The following CNTN4 variants were observed in gnomAD, a reference collection of about 807,000 sequenced individuals.
CNTN4 encodes the protein contactin 4.
In CNTN4, 77 loss-of-function variants were observed where a neutral mutation model predicts 122.5. That is an observed-to-expected ratio of 0.63 (90% confidence interval 0.52 to 0.76). The LOEUF is 0.76. Among genes scored for constraint, CNTN4 ranks in the 30% least tolerant of loss-of-function variants. The pLI is 0.00. For synonymous variants in CNTN4, 512 were observed against 447.0 expected (o/e 1.15, Z -1.83); for missense variants, 1,256 against 1,259.1 (o/e 1.00, Z 0.04).
intron 2 of CNTN4, among the ~76,000 whole-genome samples, chr3:2,287,658 GA>G (rs1559415338): frequency 1.1e-3 from 34 of 31,920 alleles, no homozygotes; most frequent in African/African-American, 1.4e-3. Context: ...AGAAGAAGAA[GA>G]AGAAGAAGAA....
At chr3:2,690,179 C>T (rs2085654114) in intron 4 of CNTN4, among the ~76,000 whole-genome samples, 1 of 152,072 alleles carries the variant, frequency 6.6e-6, no homozygotes, top group Admixed American at 6.6e-5. Context: ...AGTGTGTATT[C>T]TACAGCTTCT....
intron 3 of CNTN4, among the ~76,000 whole-genome samples, chr3:2,568,950 G>A (rs1010593770): frequency 1.4e-4 from 22 of 152,066 alleles, no homozygotes; most frequent in African/African-American, 4.1e-4. Flanking sequence ...GATCAATCCC[G>A]AGGTCCGAGA....
intron 2 of CNTN4, among the ~76,000 whole-genome samples, chr3:2,138,083 T>TC (rs982702822): frequency 6.0e-5 from 9 of 150,058 alleles, no homozygotes; most frequent in African/African-American, 1.5e-4. Flanking sequence ...TTTTTTTTTT[T>TC]CGAGACGGAG....
At chr3:2,489,581 T>G (rs2076256980) in intron 3 of CNTN4, among the ~76,000 whole-genome samples, 1 of 152,192 alleles carries the variant, frequency 6.6e-6, no homozygotes, top group African/African-American at 2.4e-5. Flanking sequence ...TAACTTCCTA[T>G]GTTCAATTTG....
chr3:2,754,610 T>A (rs901163511), intron 6 of CNTN4, among the ~76,000 whole-genome samples: 1 of 152,112 alleles, frequency 6.6e-6, no homozygotes, highest in Non-Finnish European at 1.5e-5. Context: ...GAAAAGTATT[T>A]TTAAAAAATG....
At chr3:2,594,332 T>C (rs2080654608) in intron 4 of CNTN4, among the ~76,000 whole-genome samples, 3 of 152,136 alleles carry the variant, frequency 2.0e-5, no homozygotes, top group Non-Finnish European at 4.4e-5. Context: ...AACATAAAAA[T>C]TCTTTCCATT....
intron 4 of CNTN4, among the ~76,000 whole-genome samples, chr3:2,688,604 AAC>A (rs762439890): frequency 1.6e-4 from 24 of 152,330 alleles, no homozygotes; most frequent in Non-Finnish European, 2.8e-4. Flanking sequence ...CACACTTATT[AAC>A]ACAGCATATC....
At chr3:3,023,811 G>A (rs1698492166) in intron 14 of CNTN4, among the ~76,000 whole-genome samples, 1 of 152,194 alleles carries the variant, frequency 6.6e-6, no homozygotes, top group South Asian at 2.1e-4. Flanking sequence ...AATATCTTCA[G>A]TTGACTACAC....
chr3:2,691,497 T>G (rs1166736462), intron 4 of CNTN4, among the ~76,000 whole-genome samples: 1 of 152,124 alleles, frequency 6.6e-6, no homozygotes, highest in Non-Finnish European at 1.5e-5. Context: ...TCCAGGACAT[T>G]ATCTCAGTTC....
chr3:2,140,888 T>C (rs558366319), intron 2 of CNTN4, among the ~76,000 whole-genome samples: 38 of 152,314 alleles, frequency 2.5e-4, no homozygotes, highest in African/African-American at 8.7e-4. Context: ...GTTGACTGTT[T>C]CATTGTGTCG....
At chr3:2,902,399 C>G (rs989295069) in intron 11 of CNTN4, among the ~76,000 whole-genome samples, 1 of 152,096 alleles carries the variant, frequency 6.6e-6, no homozygotes, top group Non-Finnish European at 1.5e-5. Flanking sequence ...TAGTAAACCT[C>G]AACCAATATT....
chr3:2,330,591 C>T (rs1054108135), intron 2 of CNTN4, among the ~76,000 whole-genome samples: 1 of 125,196 alleles, frequency 8.0e-6, no homozygotes, highest in African/African-American at 2.8e-5. Flanking sequence ...AAAAGAGGGT[C>T]AGTATCTTAA....
intron 3 of CNTN4, among the ~76,000 whole-genome samples, chr3:2,536,197 A>G (rs2077798091): frequency 6.6e-6 from 1 of 152,180 alleles, no homozygotes. Context: ...ACGTTTATAT[A>G]TCTGGGAACC....
intron 4 of CNTN4, among the ~76,000 whole-genome samples, chr3:2,694,829 C>T (rs1038171619): frequency 6.6e-6 from 1 of 152,076 alleles, no homozygotes; most frequent in Non-Finnish European, 1.5e-5. Context: ...ATATTTAATA[C>T]AAATTTAAAG....
chr3:2,559,900 C>T (rs932225501), intron 3 of CNTN4, among the ~76,000 whole-genome samples: 1 of 152,168 alleles, frequency 6.6e-6, no homozygotes, highest in Non-Finnish European at 1.5e-5. Context: ...CAGGACTGAA[C>T]TTTACCGTGA....
chr3:2,383,872 C>T (rs1228057121), intron 3 of CNTN4, among the ~76,000 whole-genome samples: 2 of 151,860 alleles, frequency 1.3e-5, no homozygotes, highest in African/African-American at 4.8e-5. Flanking sequence ...ACAGTTACTC[C>T]TTGACTTGTG....
chr3:2,153,451 GT>G (rs2125415662), intron 2 of CNTN4, among the ~76,000 whole-genome samples: 1 of 152,344 alleles, frequency 6.6e-6, no homozygotes, highest in South Asian at 2.1e-4. Context: ...GGGGAGAATT[GT>G]TGACTTTGAT....
Position 2,302,847 on chromosome 3 carries a change from C to G in CNTN4, c.-144-36331C>G, listed in dbSNP as rs574646719. Among the ~76,000 whole-genome samples the G allele has an allele frequency of 2.1e-5, 3 of 146,166 alleles. No homozygotes were observed. The South Asian group carries it at 6.4e-4, about 31-fold the overall frequency. ...ATGTTTTATTTGTACCTAGCAATGC[C>G]AAGCACACTGTATGTGCTTCATTAA... On this transcript the variant is annotated intron_variant, in intron 2 of 24. Coordinates refer to ENST00000418658, the MANE Select transcript of CNTN4 (RefSeq NM_175607.3).
intron 2 of CNTN4, among the ~76,000 whole-genome samples, chr3:2,316,560 TAC>T (rs2043106839): frequency 6.6e-6 from 1 of 152,174 alleles, no homozygotes; most frequent in Admixed American, 6.5e-5. Flanking sequence ...AGGCATAAGA[TAC>T]AGTCTGTTGA....
Sources: gnomAD v4.1 joint callset for allele counts (sites outside exome capture counted in the v4.1 genomes callset) on GRCh38, gnomAD v4.1.1 for gene constraint, MANE v1.5 for transcripts, NCBI Gene and HGNC (gene_info 2026-07-23, HGNC 2026-07-21) for gene names.